Variants in AGPAT1 observed in about 807,000 individuals in gnomAD.
The protein encoded by AGPAT1 is 1-acyl-sn-glycerol-3-phosphate acyltransferase alpha.
Under a neutral mutation model 31.2 loss-of-function variants are expected in AGPAT1, and 6 were observed. That is an observed-to-expected ratio of 0.19 (90% confidence interval 0.11 to 0.38). The LOEUF (loss-of-function observed/expected upper bound fraction) is 0.38, where lower values mean the gene tolerates loss of function less well. Among genes scored for constraint, AGPAT1 ranks in the 10% least tolerant of loss-of-function variants. The probability of loss-of-function intolerance (pLI) is 1.00; values close to 1 mark genes in which losing one functional copy is unlikely to be tolerated. For missense variants in AGPAT1, 187 were observed against 377.8 expected, an observed-to-expected ratio of 0.49 and a Z score of 4.19; for synonymous variants, 139 against 154.0, an observed-to-expected ratio of 0.90 and a Z score of 0.72.
chr6:32,170,906 G>C lies in AGPAT1; in HGVS notation c.334+31C>G. 3.1e-6 allele frequency: 5 copies of C among 1,594,274 alleles called. No homozygotes were observed. Among genetic ancestry groups the C allele is most frequent in the Non-Finnish European group, 4.3e-6 (5 of 1,166,542 alleles). ...AGGTTTCAGGAGGGGAGGCATGGCT[G>C]GGGGAGGTGTGCCCTGTGGTGGGGT... On this transcript the variant is annotated intron_variant, in intron 3 of 6. Coordinates refer to ENST00000375107, the MANE Select transcript of AGPAT1 (RefSeq NM_006411.4). The surrounding 1 kb of genome is among the most constrained non-coding windows in gnomAD (Gnocchi z 7.7).
chr6:32,170,329 T>G lies in AGPAT1; in HGVS notation c.511-69A>C, dbSNP rs997138049. 1 of 1,606,708 alleles carries G rather than the reference T, an allele frequency of 6.2e-7. No individual in the cohort carries two copies. On this transcript the variant is annotated intron_variant, in intron 4 of 6. Transcript: ENST00000375107. The surrounding 1 kb of genome is among the most constrained non-coding windows in gnomAD (Gnocchi z 7.7). ...AGTCAGAATAGGTGTGATGTTATAA[T>G]GGGACCTTTGAGGCCCACTGGCCCT...
rs1170608309 is a variant in AGPAT1 at position 32,171,348 on chromosome 6, A to G, written c.149T>C (p.Val50Ala). 1.2e-6 allele frequency: 2 copies of G among 1,613,150 alleles called. No homozygotes were observed. Among genetic ancestry groups the G allele is most frequent in the Admixed American group, 1.7e-5 (1 of 60,026 alleles). Residue 50 changes from valine to alanine, a missense_variant, in exon 2 of 7, where the codon GTG becomes GCG. Physicochemically the swap from Val to Ala is moderately conservative, Grantham distance 64. Transcript: ENST00000375107. The surrounding 1 kb of genome is among the most constrained non-coding windows in gnomAD (Gnocchi z 6.9). Reference protein sequence around the residue: ...FYNGWILFLAVLAIPVCAVRG... With the variant: ...FYNGWILFLAALAIPVCAVRG... The stretch of plus-strand genomic sequence containing the variant: ...CACGGCACACACAGGGATGGCGAGC[A>G]CAGCCAGGAAGAGGATCCAGCCATT...
Position 32,173,865 on chromosome 6 carries a change from G to C in AGPAT1, c.-10+1949C>G, listed in dbSNP as rs1173243805. Among the ~76,000 whole-genome samples the C allele has an allele frequency of 6.6e-6, 1 of 152,190 alleles. No individual in the cohort carries two copies. Among genetic ancestry groups the C allele is most frequent in the Non-Finnish European group, 1.5e-5 (1 of 68,032 alleles). On this transcript the variant is annotated intron_variant, in intron 1 of 6. Coordinates refer to ENST00000375107, the MANE Select transcript of AGPAT1 (RefSeq NM_006411.4). The surrounding 1 kb of genome is among the most constrained non-coding windows in gnomAD (Gnocchi z 4.7). ...ACTTCACCCCAGATCTACTGAATCA[G>C]AAATTCTGGGCATTAGGTCCAGCAA...
upstream of AGPAT1, chr6:32,176,210 A>C (rs1485659264): frequency 1.4e-5 from 13 of 935,890 alleles, no homozygotes; most frequent in Non-Finnish European, 1.7e-5. Flanking sequence ...CCCCACATCT[A>C]CCAGTGTCCT....
Position 32,171,080 on chromosome 6 carries a change from C to A in AGPAT1, c.201-10G>T. 6.2e-7 allele frequency: 1 copy of A among 1,609,166 alleles called. No individual in the cohort carries two copies. Among genetic ancestry groups the A allele is most frequent in the South Asian group, 1.1e-5 (1 of 90,854 alleles). ...CATTAGACGCAAGATCCTGTGGGGT[C>A]ATGGCAAGGGGTCCCAGTGGGATCC... is the stretch of plus-strand genomic sequence containing the variant. On this transcript the variant is annotated splice_polypyrimidine_tract_variant and intron_variant, in intron 2 of 6. Coordinates refer to ENST00000375107, the MANE Select transcript of AGPAT1 (RefSeq NM_006411.4). This position sits in a 1 kb window ranked among gnomAD's most constrained non-coding sequence, Gnocchi z 6.9.
Position 32,170,917 on chromosome 6 carries a change from GC to G in AGPAT1, c.334+19del, listed in dbSNP as rs1025683374. The G allele has an allele frequency of 2.1e-5, 34 of 1,602,054 alleles. No homozygotes were observed. Among genetic ancestry groups the G allele is most frequent in the Non-Finnish European group, 2.8e-5 (33 of 1,172,030 alleles). ...GGGGAGGCATGGCTGGGGGAGGTGT[GC>G]CCTGTGGTGGGGTCTCACCAAGCAG... On this transcript the variant is annotated intron_variant, in intron 3 of 6. Coordinates refer to ENST00000375107, the MANE Select transcript of AGPAT1 (RefSeq NM_006411.4). The surrounding 1 kb of genome is among the most constrained non-coding windows in gnomAD (Gnocchi z 7.7).
rs1356243515 is a variant in AGPAT1 at position 32,174,051 on chromosome 6, G to A, written c.-10+1763C>T. On this transcript the variant is annotated intron_variant, in intron 1 of 6. Transcript: ENST00000375107. This position sits in a 1 kb window ranked among gnomAD's most constrained non-coding sequence, Gnocchi z 4.5. ...CAACAAGCCCTCTGGTGAGTCTGAT[G>A]TGCGCCTGAATTTAAGAACCACTGA... Among the ~76,000 whole-genome samples the A allele has an allele frequency of 6.6e-6, 1 of 152,152 alleles. No homozygotes were observed. Among genetic ancestry groups the A allele is most frequent in the Non-Finnish European group, 1.5e-5 (1 of 68,028 alleles).
chr6:32,170,355 G>C lies in AGPAT1; in HGVS notation c.510+70C>G. 6.2e-7 allele frequency: 1 copy of C among 1,608,988 alleles called. No individual in the cohort carries two copies. Among genetic ancestry groups the C allele is most frequent in the Non-Finnish European group, 8.5e-7 (1 of 1,175,546 alleles). On this transcript the variant is annotated intron_variant, in intron 4 of 6. Transcript: ENST00000375107. This position sits in a 1 kb window ranked among gnomAD's most constrained non-coding sequence, Gnocchi z 7.7. ...GGGACCTTTGAGGCCCACTGGCCCT[G>C]CATATCAGTTTATTTACAACTGTTC...
rs1243862214 is a variant in AGPAT1 at position 32,171,270 on chromosome 6, C to G, written c.200+27G>C. 6.2e-7 allele frequency: 1 copy of G among 1,613,124 alleles called. No homozygotes were observed. Among genetic ancestry groups the G allele is most frequent in the East Asian group, 2.2e-5 (1 of 44,884 alleles). ...CTCACTTTGTACCCTTAGGTTCCCT[C>G]ATTGCCCAAGACCCCTTGCCCCTCA... On this transcript the variant is annotated intron_variant, in intron 2 of 6. Transcript: ENST00000375107. This position sits in a 1 kb window ranked among gnomAD's most constrained non-coding sequence, Gnocchi z 6.9.
rs763009732 is a variant in AGPAT1, at chr6:32,169,462, A to C, written c.680-14T>G. 1.2e-6 allele frequency: 2 copies of C among 1,611,762 alleles called. No individual in the cohort carries two copies. The highest frequency in any genetic ancestry group is 1.3e-5 in the African/African-American group (1 of 74,896). On this transcript the variant is annotated splice_polypyrimidine_tract_variant and intron_variant, in intron 6 of 6. Coordinates refer to ENST00000375107, the MANE Select transcript of AGPAT1 (RefSeq NM_006411.4). This position sits in a 1 kb window ranked among gnomAD's most constrained non-coding sequence, Gnocchi z 5.9. ...CCTGACATTGTCCTGGGGCAAGGGGAGCACCATCATGGCCTGTCCACCCAG... is the reference window on the plus strand; with the variant it reads ...CCTGACATTGTCCTGGGGCAAGGGGCGCACCATCATGGCCTGTCCACCCAG...
In AGPAT1 at chr6:32,175,782, C is replaced by T; in HGVS notation, c.-10+32G>A. ...TCCTAGTCGCTTTCAGCACCCTCTT[C>T]CCTCCTCCTCCCATCCCTTTCCCGC... On this transcript the variant is annotated intron_variant, in intron 1 of 6. Coordinates refer to ENST00000375107, the MANE Select transcript of AGPAT1 (RefSeq NM_006411.4). This position sits in a 1 kb window ranked among gnomAD's most constrained non-coding sequence, Gnocchi z 4.5. 1.0e-6 allele frequency: 1 copy of T among 970,282 alleles called. No homozygotes were observed. The highest frequency in any genetic ancestry group is 1.2e-6 in the Non-Finnish European group (1 of 815,968). 60.1% of individuals were successfully genotyped at this position (970,282 alleles called of 1,614,324 possible). A position where few individuals can be genotyped will look rare whatever the true frequency, so the allele number is the denominator to read the frequency against.
In AGPAT1 at chr6:32,169,218, G is replaced by A; in HGVS notation, c.*58C>T. The A allele has an allele frequency of 6.4e-7, 1 of 1,574,116 alleles. No individual in the cohort carries two copies. Among genetic ancestry groups the A allele is most frequent in the Non-Finnish European group, 8.7e-7 (1 of 1,151,484 alleles). On this transcript the variant is annotated 3_prime_UTR_variant, in exon 7 of 7. Coordinates refer to ENST00000375107, the MANE Select transcript of AGPAT1 (RefSeq NM_006411.4). The surrounding 1 kb of genome is among the most constrained non-coding windows in gnomAD (Gnocchi z 5.9). Reference sequence around the variant, plus strand: ...TTGGCCCTGCTTCAGGGCCCACTGGGTGGGTAGGTGTGGGGAGGAAGATGG... The same window carrying A: ...TTGGCCCTGCTTCAGGGCCCACTGGATGGGTAGGTGTGGGGAGGAAGATGG...
rs1195920040 is a variant in AGPAT1 at position 32,174,337 on chromosome 6, G to C, written c.-10+1477C>G. 2.0e-5 allele frequency among the ~76,000 whole-genome samples: 3 copies of C among 152,166 alleles called. No homozygotes were observed. Among genetic ancestry groups the C allele is most frequent in the Non-Finnish European group, 4.4e-5 (3 of 68,030 alleles). The stretch of plus-strand genomic sequence containing the variant: ...AGTGACTACTAAAAGAAGTCACTGA[G>C]AAAGTAACGAACACACCAAGCCTAA... On this transcript the variant is annotated intron_variant, in intron 1 of 6. Transcript: ENST00000375107. The surrounding 1 kb of genome is among the most constrained non-coding windows in gnomAD (Gnocchi z 4.5).
chr6:32,173,358 A>G lies in AGPAT1; in HGVS notation c.-9-1853T>C, dbSNP rs376823635. Among the ~76,000 whole-genome samples the G allele has an allele frequency of 1.5e-4, 23 of 152,350 alleles. 1 individual carries two copies. In the East Asian group the frequency reaches 1.7e-3, roughly 11 times the overall value. On this transcript the variant is annotated intron_variant, in intron 1 of 6. Transcript: ENST00000375107. The surrounding 1 kb of genome is among the most constrained non-coding windows in gnomAD (Gnocchi z 4.7). ...AATAGAGGAAACAGGAGACCCTGCCAGTTGGAATACCGTAGGCTTTCTGAG... is the reference window on the plus strand; with the variant it reads ...AATAGAGGAAACAGGAGACCCTGCCGGTTGGAATACCGTAGGCTTTCTGAG...
Position 32,174,198 on chromosome 6 carries a change from T to C in AGPAT1, c.-10+1616A>G, listed in dbSNP as rs1045800864. Among the ~76,000 whole-genome samples the C allele has an allele frequency of 6.6e-6, 1 of 152,310 alleles. No individual in the cohort carries two copies. The highest frequency in any genetic ancestry group is 6.5e-5 in the Admixed American group (1 of 15,300). ...GGACAATAGGAGATGGAGTAGGTGC[T>C]CAATAAACACTTGCTGAACAGATTC... On this transcript the variant is annotated intron_variant, in intron 1 of 6. Coordinates refer to ENST00000375107, the MANE Select transcript of AGPAT1 (RefSeq NM_006411.4). The surrounding 1 kb of genome is among the most constrained non-coding windows in gnomAD (Gnocchi z 4.5).
chr6:32,176,244 C>T (rs1785544187), upstream of AGPAT1: 21 of 756,064 alleles, frequency 2.8e-5, 1 homozygote, highest in Non-Finnish European at 3.4e-5. Flanking sequence ...CCCCAGGGCT[C>T]TCCCTCGGTC....
chr6:32,176,005 T>C lies in AGPAT1; in HGVS notation c.-201A>G, dbSNP rs1582678196. ...GAGGTTGGGCCCATAGCGGTAGGAA[T>C]GGTGGGGGGCTGTCCCCCCAGCACC... On this transcript the variant is annotated 5_prime_UTR_variant, in exon 1 of 7. Transcript: ENST00000375107. 2 of 985,120 alleles carry C rather than the reference T, an allele frequency of 2.0e-6. No homozygotes were observed. Among genetic ancestry groups the C allele is most frequent in the African/African-American group, 3.5e-5 (2 of 57,090 alleles). The allele number at this position is 985,120 out of a possible 1,614,324, so 61.0% of individuals were successfully genotyped here.
chr6:32,177,226 A>G (rs935989777), upstream of AGPAT1: 1 of 397,166 alleles, frequency 2.5e-6, no homozygotes, highest in Admixed American at 4.4e-5. Context: ...TAGTGGGAGG[A>G]CTGTTACCTA....
chr6:32,170,434 G>A lies in AGPAT1; in HGVS notation c.501C>T (p.Leu167=), dbSNP rs771280382. Residue 167 remains leucine, a synonymous_variant, in exon 4 of 7, where the codon CTC becomes CTT. Transcript: ENST00000375107. The surrounding 1 kb of genome is among the most constrained non-coding windows in gnomAD (Gnocchi z 7.7). The stretch of plus-strand genomic sequence containing the variant: ...CCCCAGGATGACTCACGTCCTGGGT[G>A]AGCAGGGTCTGGGCGACCTCAGACA... ...SVMSEVAQTL[L]TQDVRVWVFP... is the part of the protein sequence containing the mutation. 13 of 1,613,356 alleles carry A rather than the reference G, an allele frequency of 8.1e-6. No individual in the cohort carries two copies. The highest frequency in any genetic ancestry group is 1.6e-4 in the Middle Eastern group (1 of 6,084).
Sources: allele counts gnomAD v4.1 joint callset (sites outside exome capture counted in the v4.1 genomes callset), GRCh38; gene constraint gnomAD v4.1.1; non-coding constraint Gnocchi (gnomAD v3.1); transcripts MANE v1.5; gene names NCBI Gene and HGNC (gene_info 2026-07-23, HGNC 2026-07-21).